Variants in KDM2B observed in about 807,000 individuals in gnomAD.
KDM2B encodes the protein lysine demethylase 2B.
Under a neutral mutation model 150.0 loss-of-function variants are expected in KDM2B, and 26 were observed. That is an observed-to-expected ratio of 0.17 (90% CI 0.13 to 0.24). The LOEUF (loss-of-function observed/expected upper bound fraction) is 0.24, where lower values mean the gene tolerates loss of function less well. Among genes scored for constraint, KDM2B ranks in the 10% least tolerant of loss-of-function variants. The probability of loss-of-function intolerance (pLI) is 1.00; values close to 1 mark genes in which losing one functional copy is unlikely to be tolerated. For missense variants in KDM2B, 1,265 were observed against 1,816.9 expected, an observed-to-expected ratio of 0.70 and a Z score of 5.52; for synonymous variants, 734 against 729.5, an observed-to-expected ratio of 1.01 and a Z score of -0.10.
downstream of KDM2B, among the ~76,000 whole-genome samples, chr12:121,427,671 C>G (rs56294627): frequency 0.19 from 29,072 of 152,150 alleles, 4,299 homozygotes; most frequent in African/African-American, 0.41. Flanking sequence ...CCTGAAACTA[C>G]AGATCTGCTG....
intron 4 of KDM2B, among the ~76,000 whole-genome samples, chr12:121,556,325 G>A (rs774338135): frequency 1.3e-5 from 2 of 152,052 alleles, no homozygotes; most frequent in Admixed American, 6.6e-5. Flanking sequence ...GGGCTCAAGC[G>A]ATCCTCCTAC....
chr12:121,509,768 C>T lies in KDM2B; in HGVS notation c.1446G>A (p.Lys482=), dbSNP rs572233097. The change falls in exon 11 of 23, where the codon AAG becomes AAA. Residue 482 remains lysine, a synonymous_variant. Transcript: ENST00000377071. ...GGTAGTCTACGGCCAATGTGGTGGACTTCACACTTTCCTCCGACTCATTAG... is the reference window on the plus strand; with the variant it reads ...GGTAGTCTACGGCCAATGTGGTGGATTTCACACTTTCCTCCGACTCATTAG... ...TLSNESEESV[K]STTLAVDYPK... The T allele has an allele frequency of 6.2e-7, 1 of 1,614,124 alleles. No individual in the cohort carries two copies. The highest frequency in any genetic ancestry group is 8.5e-7 in the Non-Finnish European group (1 of 1,180,040).
At chr12:121,562,082 G>A (rs1439857627) in intron 4 of KDM2B, among the ~76,000 whole-genome samples, 1 of 151,500 alleles carries the variant, frequency 6.6e-6, no homozygotes, top group Non-Finnish European at 1.5e-5. Flanking sequence ...TGAGGCAGGA[G>A]AAGCTTGAAC....
rs139011630 is a variant in KDM2B, at chr12:121,492,249, A to G, written c.1734+2330T>C. The stretch of plus-strand genomic sequence containing the variant: ...TTTGAAAAGGTAAAAAGAAACAATG[A>G]AATTCATCGGAATAATCCATTTTGT... On this transcript the variant is annotated intron_variant, in intron 12 of 22. Transcript: ENST00000377071. 2.0e-5 allele frequency among the ~76,000 whole-genome samples: 3 copies of G among 152,344 alleles called. No homozygotes were observed. In the East Asian group the frequency reaches 5.8e-4, roughly 29 times the overall value.
In KDM2B at chr12:121,453,804, G is replaced by A. The variant is rs1877751895; in HGVS notation, c.1735-460C>T. On this transcript the variant is annotated intron_variant, in intron 12 of 22. Coordinates refer to ENST00000377071, the MANE Select transcript of KDM2B (RefSeq NM_032590.5). This position sits in a 1 kb window ranked among gnomAD's most constrained non-coding sequence, Gnocchi z 6.4. ...ACTCCTGGCCTCCAGAACCGGGAGA[G>A]AAGAAAGGCCGGTTGTTTTAAGCCA... Among the ~76,000 whole-genome samples, 1 of 152,184 alleles carries A rather than the reference G, an allele frequency of 6.6e-6. No homozygotes were observed. Among genetic ancestry groups the A allele is most frequent in the African/African-American group, 2.4e-5 (1 of 41,436 alleles).
At chr12:121,512,381 G>C (rs1241634854) in intron 10 of KDM2B, among the ~76,000 whole-genome samples, 3 of 152,074 alleles carry the variant, frequency 2.0e-5, no homozygotes, top group African/African-American at 7.2e-5. Flanking sequence ...ACGTCATTAA[G>C]GATGGGGCAT....
intron 13 of KDM2B, among the ~76,000 whole-genome samples, chr12:121,449,065 C>T (rs1240421122): frequency 1.3e-5 from 2 of 152,058 alleles, no homozygotes; most frequent in East Asian, 1.9e-4. Context: ...GGGTGAAGCA[C>T]GGCCCACACG....
chr12:121,518,850 G>C lies in KDM2B; in HGVS notation c.1047+2135C>G, dbSNP rs1886450184. The stretch of plus-strand genomic sequence containing the variant: ...CGTGCACAAACTGGCCTGTACTCCA[G>C]GACAGGCCAAAGAACAGTTGGCCGG... On this transcript the variant is annotated intron_variant, in intron 9 of 22. Transcript: ENST00000377071. This position sits in a 1 kb window ranked among gnomAD's most constrained non-coding sequence, Gnocchi z 4.4. Among the ~76,000 whole-genome samples, 1 of 152,166 alleles carries C rather than the reference G, an allele frequency of 6.6e-6. No individual in the cohort carries two copies.
rs374063340 is a variant in KDM2B, at chr12:121,524,339, G to A, written c.932-3239C>T. ...TGCCCACATGCATCCATCTTTCCCAGCCCTGGACTCTCCCTGTTCTCCTGG... is the reference window on the plus strand; with the variant it reads ...TGCCCACATGCATCCATCTTTCCCAACCCTGGACTCTCCCTGTTCTCCTGG... On this transcript the variant is annotated intron_variant, in intron 8 of 22. Transcript: ENST00000377071. Among the ~76,000 whole-genome samples the A allele has an allele frequency of 3.9e-5, 6 of 152,316 alleles. No individual in the cohort carries two copies. In the East Asian group the frequency reaches 1.2e-3, roughly 29 times the overall value.
chr12:121,557,209 G>A (rs1361842751), intron 4 of KDM2B, among the ~76,000 whole-genome samples: 1 of 150,972 alleles, frequency 6.6e-6, no homozygotes, highest in Non-Finnish European at 1.5e-5. Flanking sequence ...TGGGATTAGG[G>A]TAGGCCTAAT....
intron 4 of KDM2B, among the ~76,000 whole-genome samples, chr12:121,555,934 G>GTTT (rs1172530826): frequency 6.8e-6 from 1 of 146,760 alleles, no homozygotes; most frequent in Non-Finnish European, 1.5e-5. Flanking sequence ...TTTGTTTTTT[G>GTTT]TTTTTTTTTT....
intron 8 of KDM2B, among the ~76,000 whole-genome samples, chr12:121,526,312 C>T (rs1187603151): frequency 6.6e-6 from 1 of 152,022 alleles, no homozygotes; most frequent in African/African-American, 2.4e-5. Context: ...AATATTGTGC[C>T]ATTGCCCTCC....
intron 4 of KDM2B, among the ~76,000 whole-genome samples, chr12:121,563,936 A>G (rs1555314356): frequency 6.6e-6 from 1 of 151,964 alleles, no homozygotes; most frequent in African/African-American, 2.4e-5. Context: ...TAGGCAACAT[A>G]AGGAAATCCT....
At chr12:121,448,803 G>A (rs1055174577) in intron 13 of KDM2B, among the ~76,000 whole-genome samples, 23 of 152,346 alleles carry the variant, frequency 1.5e-4, no homozygotes, top group African/African-American at 5.5e-4. Flanking sequence ...GGGGCCACAG[G>A]AGCGAGGGAG....
chr12:121,571,528 A>C (rs1555315918), intron 4 of KDM2B, among the ~76,000 whole-genome samples: 5 of 151,860 alleles, frequency 3.3e-5, no homozygotes, highest in Non-Finnish European at 7.4e-5. Context: ...TCAGGACCTC[A>C]AGTGATCTGC....
intron 6 of KDM2B, among the ~76,000 whole-genome samples, chr12:121,545,608 G>A (rs930142633): frequency 6.6e-6 from 1 of 152,070 alleles, no homozygotes. Flanking sequence ...ATGTCCAGCT[G>A]GACCCTCAGC....
At chr12:121,506,792 C>T (rs555644812) in intron 11 of KDM2B, among the ~76,000 whole-genome samples, 22 of 152,174 alleles carry the variant, frequency 1.4e-4, no homozygotes, top group South Asian at 2.1e-4. Flanking sequence ...ACAAAATAGC[C>T]GGGTGTGGTG....
At chr12:121,567,586 C>T (rs1001922035) in intron 4 of KDM2B, among the ~76,000 whole-genome samples, 4 of 151,960 alleles carry the variant, frequency 2.6e-5, no homozygotes, top group Admixed American at 1.3e-4. Flanking sequence ...GGGAAAACCA[C>T]ATGAGGGCAG....
intron 6 of KDM2B, chr12:121,535,976 C>T: frequency 1.1e-6 from 1 of 886,128 alleles, no homozygotes; most frequent in Non-Finnish European, 1.4e-6. Context: ...CGCCCATGCA[C>T]CTTGGCACCT....
Sources: gnomAD v4.1 joint callset for allele counts (sites outside exome capture counted in the v4.1 genomes callset) on GRCh38, gnomAD v4.1.1 for gene constraint, Gnocchi (gnomAD v3.1) non-coding constraint, MANE v1.5 for transcripts, NCBI Gene and HGNC (gene_info 2026-07-23, HGNC 2026-07-21) for gene names.